RAB38: variants seen among roughly 807,000 people sequenced by gnomAD.
RAB38 encodes ras-related protein Rab-38.
RAB38 carries 15 observed loss-of-function variants against 18.4 expected under a neutral mutation model. The ratio of observed to expected loss-of-function variants is 0.82; its 90% CI spans 0.55 to 1.26. RAB38 has a LOEUF of 1.26. Ranked by LOEUF, RAB38 falls within the 50% of genes most tolerant of loss-of-function variation. The pLI is 0.00. For missense variants in RAB38, 294 were observed against 267.4 expected (o/e 1.10, Z -0.69); for synonymous variants, 101 against 104.4 (o/e 0.97, Z 0.20).
At chr11:87,818,304 T>A in the RAB38 span, among the ~76,000 whole-genome samples, 1 of 152,182 alleles carries the variant, frequency 6.6e-6, no homozygotes, top group Non-Finnish European at 1.5e-5. Context: ...GTATGCCATA[T>A]TTTAAAACAA....
chr11:88,044,225 G>T, the RAB38 span, among the ~76,000 whole-genome samples: 1 of 152,150 alleles, frequency 6.6e-6, no homozygotes, highest in Admixed American at 6.5e-5. Context: ...CTGACCACGT[G>T]GAGACACCTG....
the RAB38 span, among the ~76,000 whole-genome samples, chr11:87,880,571 C>T: frequency 0.061 from 9,247 of 151,850 alleles, 389 homozygotes; most frequent in Admixed American, 0.09. Context: ...GACTAATACA[C>T]TGTTTCCAGT....
the RAB38 span, among the ~76,000 whole-genome samples, chr11:88,021,977 G>T: frequency 6.6e-6 from 1 of 151,540 alleles, no homozygotes; most frequent in African/African-American, 2.4e-5. Flanking sequence ...CCAAGAAAGA[G>T]AATACTTTCA....
chr11:87,972,634 C>T, the RAB38 span, among the ~76,000 whole-genome samples: 1 of 152,072 alleles, frequency 6.6e-6, no homozygotes, highest in African/African-American at 2.4e-5. Context: ...TAGTCAATCA[C>T]TTTATGGTGA....
chr11:88,008,029 A>C, the RAB38 span, among the ~76,000 whole-genome samples: 1 of 152,132 alleles, frequency 6.6e-6, no homozygotes, highest in African/African-American at 2.4e-5. Context: ...CATACAAACA[A>C]ATCTATGGTT....
the RAB38 span, among the ~76,000 whole-genome samples, chr11:87,926,994 A>T: frequency 6.6e-6 from 1 of 152,072 alleles, no homozygotes; most frequent in Admixed American, 6.6e-5. Flanking sequence ...GAACATGATG[A>T]CATGTGGACT....
chr11:88,092,399 A>G, the RAB38 span, among the ~76,000 whole-genome samples: 1,461 of 33,688 alleles, frequency 0.043, 366 homozygotes, highest in African/African-American at 0.057. Context: ...AGAGAGAGAG[A>G]GAGAGAGAGA....
At chr11:88,140,102 T>C (rs1314459477) in intron 2 of RAB38, among the ~76,000 whole-genome samples, 1 of 152,242 alleles carries the variant, frequency 6.6e-6, no homozygotes, top group East Asian at 1.9e-4. Context: ...TGGAATGTTA[T>C]GTGGCATTGC....
At chr11:87,900,141 T>C in the RAB38 span, among the ~76,000 whole-genome samples, 11 of 151,552 alleles carry the variant, frequency 7.3e-5, no homozygotes, top group Non-Finnish European at 1.6e-4. Context: ...CTTTAAAAAA[T>C]TGAAATACAC....
chr11:87,976,586 T>G, the RAB38 span, among the ~76,000 whole-genome samples: 1 of 87,578 alleles, frequency 1.1e-5, no homozygotes, highest in Non-Finnish European at 2.2e-5. Context: ...TATATATATT[T>G]TATATACTGT....
At chr11:88,019,493 C>G in the RAB38 span, among the ~76,000 whole-genome samples, 1 of 152,140 alleles carries the variant, frequency 6.6e-6, no homozygotes, top group Non-Finnish European at 1.5e-5. Context: ...TCCACCTTTT[C>G]TCCTTAATCC....
chr11:88,050,584 A>G, the RAB38 span, among the ~76,000 whole-genome samples: 2 of 152,262 alleles, frequency 1.3e-5, no homozygotes, highest in East Asian at 1.9e-4. Context: ...TTTTAAGGAT[A>G]AAAAGTTTTA....
chr11:88,067,766 G>C, the RAB38 span, among the ~76,000 whole-genome samples: 1,809 of 152,076 alleles, frequency 0.012, 34 homozygotes, highest in African/African-American at 0.041. Context: ...GTGGCAAGGG[G>C]AGGGAAAGCA....
the RAB38 span, among the ~76,000 whole-genome samples, chr11:88,027,948 C>A: frequency 4.6e-5 from 7 of 152,288 alleles, no homozygotes; most frequent in Non-Finnish European, 8.8e-5. Context: ...TGACCCATGA[C>A]CCCTGAGCAG....
At chr11:88,058,538 T>A in the RAB38 span, among the ~76,000 whole-genome samples, 1 of 152,196 alleles carries the variant, frequency 6.6e-6, no homozygotes, top group Non-Finnish European at 1.5e-5. Flanking sequence ...ATACCTTCTC[T>A]AAGAAGTGAG....
the RAB38 span, among the ~76,000 whole-genome samples, chr11:88,043,674 A>G: frequency 6.6e-6 from 1 of 150,842 alleles, no homozygotes. Context: ...AATCTTATAA[A>G]ATGTCCCCAC....
chr11:88,144,354 A>G (rs1342656923), intron 2 of RAB38, among the ~76,000 whole-genome samples: 2 of 152,360 alleles, frequency 1.3e-5, no homozygotes, highest in Non-Finnish European at 2.9e-5. Context: ...AATCTAGGTC[A>G]TCTGCCTGTG....
the RAB38 span, among the ~76,000 whole-genome samples, chr11:87,927,682 A>T: frequency 6.6e-6 from 1 of 152,040 alleles, no homozygotes; most frequent in Non-Finnish European, 1.5e-5. Context: ...ATTGTCTTCA[A>T]ATCCCTTTCT....
intron 1 of RAB38, among the ~76,000 whole-genome samples, chr11:88,153,543 G>A (rs1229785363): frequency 2.0e-5 from 3 of 152,064 alleles, no homozygotes; most frequent in African/African-American, 7.2e-5. Flanking sequence ...CTGGACCCCT[G>A]GCAGCTCCCT....
Sources: allele counts gnomAD v4.1 joint callset (sites outside exome capture counted in the v4.1 genomes callset), GRCh38; gene constraint gnomAD v4.1.1; transcripts MANE v1.5; gene names NCBI Gene and HGNC (gene_info 2026-07-23, HGNC 2026-07-21).